OSBPL6: variants seen among roughly 807,000 people sequenced by gnomAD.
OSBPL6 encodes the protein oxysterol-binding protein-related protein 6.
A neutral mutation model predicts 125.8 loss-of-function variants in OSBPL6; 49 were observed. The ratio of observed to expected loss-of-function variants is 0.39; its 90% confidence interval spans 0.31 to 0.49. The LOEUF (loss-of-function observed/expected upper bound fraction) is 0.49. Among genes scored for constraint, OSBPL6 ranks in the 20% least tolerant of loss-of-function variants. The pLI, the probability that OSBPL6 is intolerant of heterozygous loss-of-function variation, is 0.88. For synonymous variants in OSBPL6, 394 were observed against 391.8 expected, an observed-to-expected ratio of 1.01 and a Z score of -0.07; for missense variants, 986 against 1,135.4, an observed-to-expected ratio of 0.87 and a Z score of 1.89.
At chr2:178,373,771 G>C in intron 14 of OSBPL6, 119 bp from the exon 15 acceptor site, 1 of 1,232,640 alleles carries the variant, frequency 8.1e-7, no homozygotes, top group South Asian at 1.6e-5. Context: ...AGTGAAAATT[G>C]CTTGTGGCTG....
chr2:178,293,305 G>A (rs959187211), intron 2 of OSBPL6, among the ~76,000 whole-genome samples: 2 of 152,112 alleles, frequency 1.3e-5, no homozygotes, highest in African/African-American at 4.8e-5. Flanking sequence ...AGAGTGGTGG[G>A]TGGGAGAACC....
chr2:178,245,782 G>A (rs1468891441), intron 1 of OSBPL6, among the ~76,000 whole-genome samples: 1 of 152,196 alleles, frequency 6.6e-6, no homozygotes, highest in East Asian at 1.9e-4. Flanking sequence ...CTGAGCTTCA[G>A]ATGACTTATG....
At chr2:178,287,792 T>A (rs188693162) in intron 2 of OSBPL6, among the ~76,000 whole-genome samples, 123 of 152,108 alleles carry the variant, frequency 8.1e-4, no homozygotes, top group African/African-American at 2.9e-3. Flanking sequence ...CACTCAGAAA[T>A]GCTTTCAGAA....
chr2:178,323,484 A>G (rs1352613886), intron 3 of OSBPL6: 3 of 151,918 alleles, frequency 2.0e-5, no homozygotes, highest in African/African-American at 7.3e-5. Flanking sequence ...TATTTTTGTG[A>G]TGGAGTTTCC....
intron 1 of OSBPL6, among the ~76,000 whole-genome samples, chr2:178,206,777 G>A (rs753394473): frequency 1.4e-4 from 22 of 152,056 alleles, no homozygotes; most frequent in Non-Finnish European, 2.9e-4. Flanking sequence ...ATCATGCCCA[G>A]CTAATTTTTG....
intron 20 of OSBPL6, among the ~76,000 whole-genome samples, chr2:178,388,354 G>C (rs945396271): frequency 6.6e-6 from 1 of 152,146 alleles, no homozygotes; most frequent in Non-Finnish European, 1.5e-5. Flanking sequence ...ACACTCTGTG[G>C]TGCCTCCCTC....
At chr2:178,275,066 G>A (rs1030895602) in intron 1 of OSBPL6, among the ~76,000 whole-genome samples, 3 of 152,124 alleles carry the variant, frequency 2.0e-5, no homozygotes, top group East Asian at 1.9e-4. Flanking sequence ...AGATAACTCC[G>A]ATGACAATGA....
intron 1 of OSBPL6, among the ~76,000 whole-genome samples, chr2:178,269,778 C>T (rs1001575903): frequency 3.9e-5 from 6 of 152,074 alleles, no homozygotes; most frequent in Non-Finnish European, 4.4e-5. Flanking sequence ...TATAGGCATT[C>T]GGTCAGTATT....
intron 1 of OSBPL6, among the ~76,000 whole-genome samples, chr2:178,270,911 A>T (rs749376881): frequency 9.2e-5 from 14 of 152,192 alleles, no homozygotes; most frequent in Non-Finnish European, 1.8e-4. Context: ...CATTTTGCAG[A>T]TGAGGAAATA....
chr2:178,219,058 C>T (rs533077955), intron 1 of OSBPL6, among the ~76,000 whole-genome samples: 13 of 152,192 alleles, frequency 8.5e-5, no homozygotes, highest in Middle Eastern at 3.4e-3. Context: ...TGCTTTGACT[C>T]GATTCCCTTT....
At chr2:178,332,297 C>T (rs762864020) in intron 6 of OSBPL6, among the ~76,000 whole-genome samples, 11 of 152,160 alleles carry the variant, frequency 7.2e-5, no homozygotes, top group Non-Finnish European at 8.8e-5. Flanking sequence ...CTGGGTTATA[C>T]GTCAAAGATT....
chr2:178,267,686 C>G (rs560761928), intron 1 of OSBPL6, among the ~76,000 whole-genome samples: 34 of 152,274 alleles, frequency 2.2e-4, no homozygotes, highest in Admixed American at 2.0e-3. Context: ...GAAATTGTCA[C>G]CTGCCTGCTG....
intron 1 of OSBPL6, among the ~76,000 whole-genome samples, chr2:178,266,654 C>T (rs766165307): frequency 2.8e-4 from 43 of 152,336 alleles, no homozygotes; most frequent in Non-Finnish European, 5.3e-4. Flanking sequence ...GACCTCAGAG[C>T]ACCGCCCCTC....
chr2:178,314,862 T>G (rs2196154), intron 3 of OSBPL6, among the ~76,000 whole-genome samples: 11,983 of 152,228 alleles, frequency 0.079, 531 homozygotes, highest in Middle Eastern at 0.095. Flanking sequence ...GCCCCTCCAC[T>G]ATTAGATGTT....
chr2:178,195,380 T>C (rs1410299534), intron 1 of OSBPL6, among the ~76,000 whole-genome samples: 1 of 152,174 alleles, frequency 6.6e-6, no homozygotes, highest in Non-Finnish European at 1.5e-5. Flanking sequence ...GTGCTTCCCC[T>C]GCATCAAGCC....
At chr2:178,367,425 G>A (rs1450151526) in intron 13 of OSBPL6, among the ~76,000 whole-genome samples, 2 of 152,140 alleles carry the variant, frequency 1.3e-5, no homozygotes, top group Non-Finnish European at 2.9e-5. Context: ...TATCTAAAAT[G>A]TTTAAATTTA....
chr2:178,205,532 G>T (rs772097861), intron 1 of OSBPL6, among the ~76,000 whole-genome samples: 16 of 152,124 alleles, frequency 1.1e-4, no homozygotes, highest in Admixed American at 3.3e-4. Context: ...TCTAGAAAAA[G>T]AAAATAAGCA....
At chr2:178,318,233 T>C (rs910043815) in intron 3 of OSBPL6, among the ~76,000 whole-genome samples, 1 of 152,200 alleles carries the variant, frequency 6.6e-6, no homozygotes, top group Non-Finnish European at 1.5e-5. Flanking sequence ...ACAGGGTGTC[T>C]TAAAACAGGC....
At chr2:178,233,197 A>T (rs943422935) in intron 1 of OSBPL6, among the ~76,000 whole-genome samples, 2 of 152,218 alleles carry the variant, frequency 1.3e-5, no homozygotes, top group Non-Finnish European at 2.9e-5. Context: ...GAGTTTTTTC[A>T]GGCTTGGATA....
Sources: gnomAD v4.1 joint callset for allele counts (sites outside exome capture counted in the v4.1 genomes callset) on GRCh38, gnomAD v4.1.1 for gene constraint, MANE v1.5 for transcripts, NCBI Gene and HGNC (gene_info 2026-07-23, HGNC 2026-07-21) for gene names.